Variants in ZP4 observed in about 807,000 individuals in gnomAD.
ZP4 encodes zona pellucida glycoprotein 4.
A neutral mutation model predicts 62.3 loss-of-function variants in ZP4; 62 were observed. The observed-to-expected ratio is 0.99, with a 90% CI of 0.81 to 1.23. The LOEUF is 1.23. Ranked by LOEUF, ZP4 falls within the 50% of genes most tolerant of loss-of-function variation. ZP4 has a pLI of 0.00. For missense variants in ZP4, 774 were observed against 656.0 expected, an observed-to-expected ratio of 1.18 and a Z score of -1.97; for synonymous variants, 289 against 247.3, an observed-to-expected ratio of 1.17 and a Z score of -1.58.
Position 237,885,501 on chromosome 1 carries a change from G to A in ZP4, c.1050C>T (p.Val350=). Residue 350 remains valine, a synonymous_variant, in exon 8 of 12, where the codon GTC becomes GTT. Transcript: ENST00000366570. Reference sequence around the variant, plus strand: ...AGGGGTCTGTTCTGTGAAGGATGGAGACCTCCACGTAAATGGGATCCCGAA... The same window carrying A: ...AGGGGTCTGTTCTGTGAAGGATGGAAACCTCCACGTAAATGGGATCCCGAA... ...KLLRDPIYVE[V]SILHRTDPYL... 6.2e-7 allele frequency: 1 copy of A among 1,614,136 alleles called. No homozygotes were observed. Among genetic ancestry groups the A allele is most frequent in the Non-Finnish European group, 8.5e-7 (1 of 1,180,022 alleles).
intron 6 of ZP4, 54 bp from the exon 7 acceptor site, chr1:237,885,940 C>A (rs1665092369): frequency 1.2e-6 from 2 of 1,605,088 alleles, no homozygotes; most frequent in East Asian, 4.5e-5. Flanking sequence ...GTGTCAGTTA[C>A]ACATCCTTTC....
At chr1:237,890,226 C>A (rs200024193) in intron 1 of ZP4, 50 bp from the exon 2 acceptor site, 1 of 1,611,086 alleles carries the variant, frequency 6.2e-7, no homozygotes, top group Non-Finnish European at 8.5e-7. Flanking sequence ...GTCTCCAGTG[C>A]CAGAAAGGAT....
At chr1:237,887,292 A>C in intron 5 of ZP4, 82 bp downstream of exon 5, 1 of 1,503,192 alleles carries the variant, frequency 6.7e-7, no homozygotes. Context: ...GTTCACGGCC[A>C]ACATATTTCA....
In ZP4 at chr1:237,888,318, A is replaced by G. The variant is rs1427285390; in HGVS notation, c.553+40T>C. 5.4e-6 allele frequency: 8 copies of G among 1,485,192 alleles called. No individual in the cohort carries two copies. The South Asian group carries it at 1.2e-4, about 21-fold the overall frequency. The allele number at this position is 1,485,192 out of a possible 1,614,324, so 92.0% of individuals were successfully genotyped here. ...CTCTGGGTTTCATTGTAATTGCCAC[A>G]CTTCCTCAGCTGGTTTCAGAGGTGT... On this transcript the variant is annotated intron_variant, in intron 4 of 11. Transcript: ENST00000366570.
In ZP4 at chr1:237,890,562, G is replaced by T. The variant is rs930715253; in HGVS notation, c.74C>A (p.Ala25Glu). 3 of 1,613,928 alleles carry T rather than the reference G, an allele frequency of 1.9e-6. No individual in the cohort carries two copies. Among genetic ancestry groups the T allele is most frequent in the African/African-American group, 1.3e-5 (1 of 74,886 alleles). ...GTGGAGCACACTGGAATAATCTGGT[G>T]CCTCAGGCTTATGCTGGCCACTCAC... is the stretch of plus-strand genomic sequence containing the variant. ...LAVSGQHKPE[A>E]PDYSSVLHCG... is the part of the protein sequence containing the mutation. The change falls in exon 1 of 12, where the codon GCA (alanine) becomes GAA (glutamate). Residue 25 changes from alanine to glutamate, a missense_variant. Ala to Glu is a moderately radical substitution (Grantham distance 107). Coordinates refer to ENST00000366570, the MANE Select transcript of ZP4 (RefSeq NM_021186.5).
At chr1:237,887,886 G>GA (rs944114524) in intron 4 of ZP4, among the ~76,000 whole-genome samples, 1 of 108,198 alleles carries the variant, frequency 9.2e-6, no homozygotes, top group Admixed American at 8.3e-5. Context: ...TAGCGTGTGC[G>GA]ATTATTAGGT....
intron 10 of ZP4, among the ~76,000 whole-genome samples, chr1:237,883,674 CG>C (rs1664978288): frequency 2.3e-4 from 1 of 4,330 alleles, no homozygotes; most frequent in Non-Finnish European, 4.7e-4. Flanking sequence ...CGGGGGAGGG[CG>C]GGGGAGGGCG....
In ZP4 at chr1:237,882,764, A is replaced by AG; in HGVS notation, c.1472dup (p.Lys492Ter). The stretch of plus-strand genomic sequence containing the variant: ...TACGGAGCTTTTCTGGAGGGTCCTT[A>AG]GTGGCTTGGAGTAGAATCATGGGGC... On this transcript the variant is annotated frameshift_variant, in exon 11 of 12. Transcript: ENST00000366570. LOFTEE classifies it low-confidence loss of function (END_TRUNC). 1 of 1,614,162 alleles carries AG rather than the reference A, an allele frequency of 6.2e-7. No homozygotes were observed. Among genetic ancestry groups the AG allele is most frequent in the African/African-American group, 1.3e-5 (1 of 75,058 alleles).
At chr1:237,889,492 G>T (rs811544) in intron 3 of ZP4, among the ~76,000 whole-genome samples, 1 of 151,462 alleles carries the variant, frequency 6.6e-6, no homozygotes, top group South Asian at 2.1e-4. Flanking sequence ...CTGATTGTGT[G>T]TTTTTAGTAG....
chr1:237,888,106 T>C (rs1294125144), intron 4 of ZP4, among the ~76,000 whole-genome samples: 1 of 152,242 alleles, frequency 6.6e-6, no homozygotes, highest in Non-Finnish European at 1.5e-5. Flanking sequence ...AGTTAGAAGT[T>C]ATCTGGCACT....
chr1:237,885,996 G>A (rs2103017773), intron 6 of ZP4, 110 bp from the exon 7 acceptor site: 1 of 1,437,266 alleles, frequency 7.0e-7, no homozygotes, highest in Non-Finnish European at 9.5e-7. Flanking sequence ...GTTTATAAGT[G>A]TGATGGATGT....
At position 237,888,451 on chromosome 1, in the gene ZP4, A is replaced by G; in HGVS notation, c.460T>C (p.Cys154Arg). Residue 154 changes from cysteine (C) to arginine (R), a missense_variant, in exon 4 of 12, where the codon TGT (cysteine) becomes CGT (arginine). Physicochemically the swap from Cys to Arg is radical, Grantham distance 180. Coordinates refer to ENST00000366570, the MANE Select transcript of ZP4 (RefSeq NM_021186.5). ...CCTCGAGAGATGGGTGAAGGTGCAC[A>G]TGGCAGTCTGTCCCGTGCTGGGATG... is the stretch of plus-strand genomic sequence containing the variant. ...DSIPARDRLP[C>R]APSPISRGDC... 1 of 1,612,484 alleles carries G rather than the reference A, an allele frequency of 6.2e-7. No homozygotes were observed. Among genetic ancestry groups the G allele is most frequent in the Non-Finnish European group, 8.5e-7 (1 of 1,178,986 alleles).
At chr1:237,887,346 G>A in intron 5 of ZP4, 28 bp downstream of exon 5, 1 of 1,606,714 alleles carries the variant, frequency 6.2e-7, no homozygotes. Flanking sequence ...CCAACTTCCA[G>A]AGCCAGGAAC....
Position 237,885,797 on chromosome 1 carries a change from G to A in ZP4, c.929C>T (p.Thr310Ile), listed in dbSNP as rs1048483446. 6.2e-7 allele frequency: 1 copy of A among 1,614,160 alleles called. No homozygotes were observed. The highest frequency in any genetic ancestry group is 8.5e-7 in the Non-Finnish European group (1 of 1,180,028). The stretch of plus-strand genomic sequence containing the variant: ...TTCCAGAGTGAGGGGTCCAGGCTGG[G>A]TCTCAGGAAAGGGTGGTGGGAGAGT... ...VFTLPPPFPETQPGPLTLELQ... is the reference protein window; with the variant it reads ...VFTLPPPFPEIQPGPLTLELQ... The change falls in exon 7 of 12, where the codon ACC becomes ATC. Residue 310 changes from threonine to isoleucine, a missense_variant. Coordinates refer to ENST00000366570, the MANE Select transcript of ZP4 (RefSeq NM_021186.5).
chr1:237,886,637 G>A, intron 6 of ZP4, 134 bp downstream of exon 6: 2 of 669,456 alleles, frequency 3.0e-6, no homozygotes, highest in Non-Finnish European at 5.1e-6. Flanking sequence ...CAAGTAATGG[G>A]CAGTGCAATT....
chr1:237,885,372 G>T lies in ZP4; in HGVS notation c.1160+19C>A, dbSNP rs746827006. The stretch of plus-strand genomic sequence containing the variant: ...CTTCTTTGAGAATTTCAGCACAGGT[G>T]TATGAAAGAACCACTTACCCCTTTA... On this transcript the variant is annotated intron_variant, in intron 8 of 11. Transcript: ENST00000366570. 2 of 1,610,914 alleles carry T rather than the reference G, an allele frequency of 1.2e-6. No individual in the cohort carries two copies. The highest frequency in any genetic ancestry group is 1.7e-6 in the Non-Finnish European group (2 of 1,178,464).
In ZP4 at chr1:237,883,722, G is replaced by GAAGAGA. The variant is rs1664984624; in HGVS notation, c.1391-877_1391-876insTCTCTT. Among the ~76,000 whole-genome samples the GAAGAGA allele has an allele frequency of 6.7e-5, 4 of 59,808 alleles. 1 individual carries two copies. Among genetic ancestry groups the GAAGAGA allele is most frequent in the East Asian group, 5.2e-4 (1 of 1,912 alleles). The allele number at this position is 59,808 out of a possible 152,430, so 39.2% of individuals were successfully genotyped here. On this transcript the variant is annotated intron_variant, in intron 10 of 11. Coordinates refer to ENST00000366570, the MANE Select transcript of ZP4 (RefSeq NM_021186.5). ...GGGAGGGCGGGGGAGGGCGGGGGAG[G>GAAGAGA]GCGGGGGAGGGAGAGAGAGGGAGAG...
chr1:237,887,312 C>A (rs527779020), intron 5 of ZP4, 62 bp downstream of exon 5: 6 of 1,567,204 alleles, frequency 3.8e-6, no homozygotes, highest in East Asian at 2.2e-5. Flanking sequence ...AGCTCTCCCC[C>A]ACTAGTCACT....
intron 9 of ZP4, 33 bp from the exon 10 acceptor site, chr1:237,884,880 T>C: frequency 6.2e-7 from 1 of 1,602,598 alleles, no homozygotes; most frequent in Admixed American, 1.7e-5. Flanking sequence ...TCATTTGTAG[T>C]ATCACCATGC....
Sources: allele counts gnomAD v4.1 joint callset (sites outside exome capture counted in the v4.1 genomes callset), GRCh38; gene constraint gnomAD v4.1.1; transcripts MANE v1.5; gene names NCBI Gene and HGNC (gene_info 2026-07-23, HGNC 2026-07-21).